Variants in CACNA2D4 observed in about 807,000 individuals in gnomAD.
CACNA2D4 encodes calcium voltage-gated channel auxiliary subunit alpha2delta 4.
CACNA2D4 carries 157 observed loss-of-function variants against 163.8 expected under a neutral mutation model. The observed-to-expected ratio is 0.96, with a 90% CI of 0.84 to 1.09. CACNA2D4 has a LOEUF of 1.09. Ranked by LOEUF, CACNA2D4 falls within the 50% of genes least tolerant of loss-of-function variation. The probability of loss-of-function intolerance (pLI) is 0.00; values close to 1 mark genes in which losing one functional copy is unlikely to be tolerated. For synonymous variants in CACNA2D4, 598 were observed against 586.9 expected, an observed-to-expected ratio of 1.02 and a Z score of -0.27; for missense variants, 1,410 against 1,479.9, an observed-to-expected ratio of 0.95 and a Z score of 0.78.
At chr12:1,910,069 G>T in intron 3 of CACNA2D4, 104 bp from the exon 4 acceptor site, 1 of 880,404 alleles carries the variant, frequency 1.1e-6, no homozygotes, top group Non-Finnish European at 1.9e-6. Flanking sequence ...CCACTCCTGG[G>T]TGTATGCCCA....
At chr12:1,842,220 G>T (rs867574888) in intron 25 of CACNA2D4, among the ~76,000 whole-genome samples, 14 of 152,198 alleles carry the variant, frequency 9.2e-5, no homozygotes, top group African/African-American at 3.4e-4. Flanking sequence ...GCAGAAGGGG[G>T]CGGGGCCCAG....
intron 26 of CACNA2D4, among the ~76,000 whole-genome samples, chr12:1,826,243 G>C (rs1307931623): frequency 6.6e-6 from 1 of 152,172 alleles, no homozygotes; most frequent in Non-Finnish European, 1.5e-5. Context: ...ATGGTGATGG[G>C]CACTGGGTGT....
intron 6 of CACNA2D4, among the ~76,000 whole-genome samples, chr12:1,893,246 C>A (rs1410859779): frequency 6.6e-6 from 1 of 152,138 alleles, no homozygotes; most frequent in Non-Finnish European, 1.5e-5. Flanking sequence ...AGACACAAAA[C>A]AAGTCTCAGT....
intron 35 of CACNA2D4, among the ~76,000 whole-genome samples, chr12:1,796,232 AGGAGTGGCGC>A (rs967484867): frequency 3.9e-5 from 6 of 152,154 alleles, no homozygotes; most frequent in Non-Finnish European, 8.8e-5. Flanking sequence ...CCGCCCTGCG[AGGAGTGGCGC>A]GGAGTGGGGC....
chr12:1,831,868 G>A (rs1486236865), intron 26 of CACNA2D4, among the ~76,000 whole-genome samples: 1 of 152,086 alleles, frequency 6.6e-6, no homozygotes, highest in Non-Finnish European at 1.5e-5. Context: ...AGACACCTGG[G>A]CTTTGTATCC....
chr12:1,828,946 C>T lies in CACNA2D4; in HGVS notation c.2551+11793G>A, dbSNP rs1019156399. On this transcript the variant is annotated intron_variant, in intron 26 of 37. Transcript: ENST00000382722. This position sits in a 1 kb window ranked among gnomAD's most constrained non-coding sequence, Gnocchi z 4.2. ...TGGTCTGCCCAAGGCTACACGGTGG[C>T]AGGGAGGAAACGGTCCCGCGGGACG... is the stretch of plus-strand genomic sequence containing the variant. Among the ~76,000 whole-genome samples, 1 of 152,188 alleles carries T rather than the reference C, an allele frequency of 6.6e-6. No homozygotes were observed. The highest frequency in any genetic ancestry group is 1.5e-5 in the Non-Finnish European group (1 of 68,038).
intron 6 of CACNA2D4, among the ~76,000 whole-genome samples, chr12:1,903,597 G>T (rs1176987961): frequency 6.6e-6 from 1 of 151,768 alleles, no homozygotes; most frequent in African/African-American, 2.4e-5. Context: ...AAAGACAAAT[G>T]GCAAACAGGT....
chr12:1,912,076 G>A (rs750725819), intron 3 of CACNA2D4, among the ~76,000 whole-genome samples: 2 of 152,222 alleles, frequency 1.3e-5, no homozygotes, highest in African/African-American at 2.4e-5. Flanking sequence ...TCCCAGAGTG[G>A]GGGTTGTGAT....
intron 19 of CACNA2D4, among the ~76,000 whole-genome samples, chr12:1,859,192 T>G (rs1389399842): frequency 6.6e-6 from 1 of 152,158 alleles, no homozygotes; most frequent in Admixed American, 6.5e-5. Context: ...CTAAAATTTT[T>G]TTTTTAATCA....
intron 23 of CACNA2D4, among the ~76,000 whole-genome samples, chr12:1,849,016 T>G (rs1053873159): frequency 6.6e-6 from 1 of 152,186 alleles, no homozygotes; most frequent in Non-Finnish European, 1.5e-5. Context: ...TTGTCTTTGG[T>G]AACTTCTTGC....
intron 35 of CACNA2D4, among the ~76,000 whole-genome samples, chr12:1,796,402 T>A (rs1027501288): frequency 3.3e-5 from 5 of 152,250 alleles, no homozygotes; most frequent in African/African-American, 1.2e-4. Flanking sequence ...GAGGCTGGTG[T>A]TGTGCCCATT....
At position 1,799,577 on chromosome 12, in the gene CACNA2D4, G is replaced by C; in HGVS notation, c.2995+98C>G. 1 of 1,300,038 alleles carries C rather than the reference G, an allele frequency of 7.7e-7. No homozygotes were observed. 80.5% of individuals were successfully genotyped at this position (1,300,038 alleles called of 1,614,324 possible). ...CCAGGAGAGCTCAGCCCTGCTTGGG[G>C]TCATTCCTGGGACAGGTCATGGAGG... On this transcript the variant is annotated intron_variant, in intron 34 of 37. Transcript: ENST00000382722. The surrounding 1 kb of genome is among the most constrained non-coding windows in gnomAD (Gnocchi z 4.7).
chr12:1,829,673 A>C lies in CACNA2D4; in HGVS notation c.2551+11066T>G, dbSNP rs1430077146. Among the ~76,000 whole-genome samples the C allele has an allele frequency of 6.8e-6, 1 of 148,038 alleles. No individual in the cohort carries two copies. Among genetic ancestry groups the C allele is most frequent in the Non-Finnish European group, 1.5e-5 (1 of 66,972 alleles). Reference sequence around the variant, plus strand: ...CTGGACAAGACTCAAGGCTGTTCAGACCCAGCTCACAGCCCATCGGCCCAC... The same window carrying C: ...CTGGACAAGACTCAAGGCTGTTCAGCCCCAGCTCACAGCCCATCGGCCCAC... On this transcript the variant is annotated intron_variant, in intron 26 of 37. Transcript: ENST00000382722. The surrounding 1 kb of genome is among the most constrained non-coding windows in gnomAD (Gnocchi z 4.2).
In CACNA2D4 at chr12:1,878,288, C is replaced by T. The variant is rs375571644; in HGVS notation, c.1719+27G>A. The stretch of plus-strand genomic sequence containing the variant: ...CCCCCAAATCCCATACAGTAAGGAT[C>T]CCAAGGCAAAGAAGATCTGTACCTA... On this transcript the variant is annotated intron_variant, in intron 16 of 37. Transcript: ENST00000382722. This position sits in a 1 kb window ranked among gnomAD's most constrained non-coding sequence, Gnocchi z 4.6. 7 of 1,597,084 alleles carry T rather than the reference C, an allele frequency of 4.4e-6. No homozygotes were observed. The highest frequency in any genetic ancestry group is 5.1e-6 in the Non-Finnish European group (6 of 1,171,826).
At chr12:1,827,110 C>T (rs542496215) in intron 26 of CACNA2D4, among the ~76,000 whole-genome samples, 99 of 152,286 alleles carry the variant, frequency 6.5e-4, no homozygotes, top group African/African-American at 2.2e-3. Flanking sequence ...GAGAGGGGTG[C>T]GGGCATCCTC....
At position 1,820,271 on chromosome 12, in the gene CACNA2D4, G is replaced by A. The variant is rs542495404; in HGVS notation, c.2552-8548C>T. 3 of 152,396 alleles carry A rather than the reference G, an allele frequency of 2.0e-5. No individual in the cohort carries two copies. In the East Asian group the frequency reaches 5.8e-4, roughly 29 times the overall value. 9.4% of individuals were successfully genotyped at this position (152,396 alleles called of 1,614,324 possible). A position where few individuals can be genotyped will look rare whatever the true frequency, so the allele number is the denominator to read the frequency against. On this transcript the variant is annotated intron_variant, in intron 26 of 37. Transcript: ENST00000382722. This position sits in a 1 kb window ranked among gnomAD's most constrained non-coding sequence, Gnocchi z 6.0. ...CGGGGGGGTGAGGGAGAGCCTGGAG[G>A]CGCAGGATGGAAGATGGAGGTGGTG...
chr12:1,813,726 ACATT>A (rs1863786527), intron 26 of CACNA2D4, among the ~76,000 whole-genome samples: 1 of 152,082 alleles, frequency 6.6e-6, no homozygotes, highest in Non-Finnish European at 1.5e-5. Flanking sequence ...TGATATGGGA[ACATT>A]TGAGTGCTTT....
At chr12:1,807,575 C>T (rs1863582129) in intron 29 of CACNA2D4, among the ~76,000 whole-genome samples, 1 of 152,052 alleles carries the variant, frequency 6.6e-6, no homozygotes, top group South Asian at 2.1e-4. Context: ...GCATTAGCCC[C>T]AGACTCTCCG....
rs373696894 is a variant in CACNA2D4 at position 1,882,979 on chromosome 12, G to A, written c.1373C>T (p.Thr458Met). The change falls in exon 13 of 38, where the codon ACG becomes ATG. Residue 458 changes from threonine to methionine, a missense_variant. Coordinates refer to ENST00000382722, the MANE Select transcript of CACNA2D4 (RefSeq NM_172364.5). Reference sequence around the variant, plus strand: ...CACGTTCTCCTGGGTGTCCGCCAGCGTTGAGATCTGCGTGTAGTAGCCTGC... The same window carrying A: ...CACGTTCTCCTGGGTGTCCGCCAGCATTGAGATCTGCGTGTAGTAGCCTGC... The part of the protein sequence containing the change: ...NNKGYYTQIS[T>M]LADTQENVME... The A allele has an allele frequency of 6.9e-5, 111 of 1,612,926 alleles. No individual in the cohort carries two copies. Among genetic ancestry groups the A allele is most frequent in the Non-Finnish European group, 7.8e-5 (92 of 1,179,578 alleles).
Sources: allele counts gnomAD v4.1 joint callset (sites outside exome capture counted in the v4.1 genomes callset), GRCh38; gene constraint gnomAD v4.1.1; non-coding constraint Gnocchi (gnomAD v3.1); transcripts MANE v1.5; gene names NCBI Gene and HGNC (gene_info 2026-07-23, HGNC 2026-07-21).